The following TBL1X variants were observed in gnomAD, a reference collection of about 807,000 sequenced individuals.
The protein encoded by TBL1X is F-box-like/WD repeat-containing protein TBL1X.
Under a neutral mutation model 50.7 loss-of-function variants are expected in TBL1X, and 10 were observed. That is an observed-to-expected ratio of 0.20 (90% CI 0.12 to 0.33). The LOEUF (loss-of-function observed/expected upper bound fraction) is 0.33. TBL1X is among the 10% of genes least tolerant of loss of function. The probability of loss-of-function intolerance (pLI) is 1.00; values close to 1 mark genes in which losing one functional copy is unlikely to be tolerated. For synonymous variants in TBL1X, 190 were observed against 214.7 expected, an observed-to-expected ratio of 0.88 and a Z score of 1.01; for missense variants, 340 against 504.4, an observed-to-expected ratio of 0.67 and a Z score of 3.12.
chrX:9,715,764 C>A (rs1569109342), intron 17 of TBL1X, among the ~76,000 whole-genome samples: 1 of 111,700 alleles, frequency 9.0e-6, no homozygotes, highest in Non-Finnish European at 1.9e-5. Context: ...CCTGGGCCCT[C>A]TTCTCTTCCC....
rs188388974 is a variant in TBL1X at position 9,551,102 on chromosome X, G to A, written c.-131+49253G>A. The stretch of plus-strand genomic sequence containing the variant: ...TGTATAGACACGTACATATATATAC[G>A]TGTACATACACATGTAGATGACTCT... On this transcript the variant is annotated intron_variant, in intron 2 of 17. Transcript: ENST00000645353. Among the ~76,000 whole-genome samples the A allele has an allele frequency of 6.3e-5, 7 of 111,436 alleles. No individual in the cohort carries two copies. In the East Asian group the frequency reaches 2.0e-3, roughly 32 times the overall value.
At chrX:9,521,112 AAAG>A (rs1452902609) in intron 2 of TBL1X, among the ~76,000 whole-genome samples, 6 of 110,654 alleles carry the variant, frequency 5.4e-5, no homozygotes, top group African/African-American at 1.6e-4. Context: ...GGGAACAAAA[AAAG>A]AAGTTAAAGA....
chrX:9,525,388 AG>A (rs918012954), intron 2 of TBL1X, among the ~76,000 whole-genome samples: 3 of 111,944 alleles, frequency 2.7e-5, no homozygotes, highest in African/African-American at 9.8e-5. Context: ...CTGCCTTCCT[AG>A]GTATTTGGAC....
At chrX:9,556,788 G>A (rs906393274) in intron 2 of TBL1X, among the ~76,000 whole-genome samples, 1 of 108,673 alleles carries the variant, frequency 9.2e-6, no homozygotes, top group Non-Finnish European at 1.9e-5. Flanking sequence ...TTTTTGTTTT[G>A]TTTTGTGTTT....
chrX:9,476,182 C>G lies in TBL1X; in HGVS notation c.-201+10735C>G, dbSNP rs146810760. Among the ~76,000 whole-genome samples the G allele has an allele frequency of 9.8e-3, 1,098 of 112,319 alleles. 18 individuals are homozygous for G. Among genetic ancestry groups the G allele is most frequent in the African/African-American group, 0.034 (1,059 of 30,890 alleles). On this transcript the variant is annotated intron_variant, in intron 1 of 17. Coordinates refer to ENST00000645353, the MANE Select transcript of TBL1X (RefSeq NM_005647.4). ...ACTATCTAGATTGATGCACCTATCT[C>G]CCCTCTCCAGAGACCAATGCATTTA...
intron 2 of TBL1X, among the ~76,000 whole-genome samples, chrX:9,520,665 G>T (rs2082102511): frequency 9.0e-6 from 1 of 111,701 alleles, no homozygotes; most frequent in Admixed American, 9.5e-5. Context: ...AAAAAGATGG[G>T]GGTATTGGGG....
At chrX:9,672,715 C>A (rs2082967359) in intron 5 of TBL1X, among the ~76,000 whole-genome samples, 1 of 111,598 alleles carries the variant, frequency 9.0e-6, no homozygotes, top group Admixed American at 9.5e-5. Context: ...CATTGCCATC[C>A]ATACTGATAT....
At chrX:9,708,105 G>A (rs1255036057) in intron 13 of TBL1X, among the ~76,000 whole-genome samples, 3 of 111,894 alleles carry the variant, frequency 2.7e-5, no homozygotes, top group South Asian at 7.5e-4. Flanking sequence ...ACCCCTGAGG[G>A]AGCCCCAAGC....
chrX:9,466,713 C>T (rs912140824), intron 1 of TBL1X, among the ~76,000 whole-genome samples: 8 of 111,708 alleles, frequency 7.2e-5, no homozygotes, highest in African/African-American at 2.6e-4. Context: ...TGGCACTTGA[C>T]GATTTTATGA....
At chrX:9,556,410 C>T (rs897762894) in intron 2 of TBL1X, among the ~76,000 whole-genome samples, 11 of 109,266 alleles carry the variant, frequency 1.0e-4, no homozygotes, top group Admixed American at 5.9e-4. Flanking sequence ...GTCATCTGAA[C>T]ACTTTGGGAG....
intron 2 of TBL1X, among the ~76,000 whole-genome samples, chrX:9,551,008 A>G (rs963932572): frequency 1.8e-5 from 2 of 111,406 alleles, no homozygotes; most frequent in Non-Finnish European, 3.8e-5. Flanking sequence ...TCATAGCGCC[A>G]GAGGTGGAGG....
chrX:9,591,030 TCTACC>T (rs2082497466), intron 2 of TBL1X, among the ~76,000 whole-genome samples: 1 of 109,557 alleles, frequency 9.1e-6, no homozygotes, highest in Non-Finnish European at 1.9e-5. Context: ...AAAGGAGTAA[TCTACC>T]AGGGACGACC....
At chrX:9,471,803 G>C (rs866454370) in intron 1 of TBL1X, among the ~76,000 whole-genome samples, 1 of 111,275 alleles carries the variant, frequency 9.0e-6, no homozygotes, top group East Asian at 2.8e-4. Flanking sequence ...TTTTCCTATC[G>C]TGGTGGATGT....
rs1225120879 is a variant in TBL1X, at chrX:9,717,144, G to C, written c.*898G>C. 4 of 110,188 alleles carry C rather than the reference G, an allele frequency of 3.6e-5. No homozygotes were observed. Among genetic ancestry groups the C allele is most frequent in the Non-Finnish European group, 7.6e-5 (4 of 52,756 alleles). The allele number at this position is 110,188 out of a possible 1,213,427, so 9.1% of individuals were successfully genotyped here. A position where few individuals can be genotyped will look rare whatever the true frequency, so the allele number is the denominator to read the frequency against. ...TTGCTTCAGATCTTAGGTCTCAAGG[G>C]CACTTTGGCGCGTAGTAAGTGCTTT... On this transcript the variant is annotated 3_prime_UTR_variant, in exon 18 of 18. Transcript: ENST00000645353.
chrX:9,651,340 C>T (rs147483736), intron 3 of TBL1X, among the ~76,000 whole-genome samples: 4 of 112,257 alleles, frequency 3.6e-5, no homozygotes, highest in African/African-American at 6.5e-5. Context: ...CCACTGTGCC[C>T]GGCCCAAGCC....
intron 2 of TBL1X, among the ~76,000 whole-genome samples, chrX:9,622,738 G>A (rs756358424): frequency 1.5e-4 from 17 of 112,360 alleles, no homozygotes; most frequent in Non-Finnish European, 2.6e-4. Context: ...CTGGTCTCAA[G>A]TGATCTGCTC....
Position 9,674,680 on chromosome X carries a change from G to GCCCCCC in TBL1X, c.212-9344_212-9339dup, listed in dbSNP as rs57080019. On this transcript the variant is annotated intron_variant, in intron 5 of 17. Transcript: ENST00000645353. Reference sequence around the variant, plus strand: ...GGGCACAAATGATCCTCCCGCCTCAGCCCCCCCCCCCCCCCCCCCCCCCCA... The same window carrying GCCCCCC: ...GGGCACAAATGATCCTCCCGCCTCAGCCCCCCCCCCCCCCCCCCCCCCCCCCCCCCA... Among the ~76,000 whole-genome samples, 3 of 4,005 alleles carry GCCCCCC rather than the reference G, an allele frequency of 7.5e-4. 1 individual carries two copies. The highest frequency in any genetic ancestry group is 1.1e-3 in the Non-Finnish European group (2 of 1,886). The allele number at this position is 4,005 out of a possible 115,157, so 3.5% of individuals were successfully genotyped here.
chrX:9,695,152 C>G (rs919638919), intron 11 of TBL1X, among the ~76,000 whole-genome samples: 9 of 111,659 alleles, frequency 8.1e-5, no homozygotes, highest in Non-Finnish European at 1.3e-4. Flanking sequence ...CAGCCACACC[C>G]CTTTGTTGAG....
intron 2 of TBL1X, among the ~76,000 whole-genome samples, chrX:9,584,201 C>T (rs2082456704): frequency 8.9e-6 from 1 of 112,075 alleles, no homozygotes; most frequent in South Asian, 3.7e-4. Context: ...AGAATTGTCA[C>T]TTCTTGGGAT....
Sources: allele counts gnomAD v4.1 joint callset (sites outside exome capture counted in the v4.1 genomes callset), GRCh38; gene constraint gnomAD v4.1.1; transcripts MANE v1.5; gene names NCBI Gene and HGNC (gene_info 2026-07-23, HGNC 2026-07-21).